Variants in CLCN5 observed in about 807,000 individuals in gnomAD.
CLCN5 encodes Cl-/H+ antiporter 5.
A neutral mutation model predicts 54.0 loss-of-function variants in CLCN5; 17 were observed. The ratio of observed to expected loss-of-function variants is 0.31; its 90% CI spans 0.22 to 0.47. The LOEUF (loss-of-function observed/expected upper bound fraction) is 0.47, where lower values mean the gene tolerates loss of function less well. Among genes scored for constraint, CLCN5 ranks in the 20% least tolerant of loss-of-function variants. The probability of loss-of-function intolerance (pLI) is 1.00; values close to 1 mark genes in which losing one functional copy is unlikely to be tolerated. For missense variants in CLCN5, 448 were observed against 646.7 expected (o/e 0.69, Z 3.33); for synonymous variants, 222 against 233.0 (o/e 0.95, Z 0.43).
intron 3 of CLCN5, among the ~76,000 whole-genome samples, chrX:49,992,768 C>T (rs1337781973): frequency 1.8e-5 from 2 of 111,354 alleles, no homozygotes; most frequent in Non-Finnish European, 3.8e-5. Flanking sequence ...TTTACTTACC[C>T]ATATGATTAA....
rs1222366946 is a variant in CLCN5, at chrX:49,944,387, A to G, written c.16+19073A>G. Among the ~76,000 whole-genome samples the G allele has an allele frequency of 8.1e-5, 9 of 110,956 alleles. No homozygotes were observed. In the Admixed American group the frequency reaches 8.6e-4, roughly 11 times the overall value. ...TGACTTCCTCTTTTCCTAATTGAAT[A>G]CCCTTTATTTCCTTCTCCTCCCTGA... On this transcript the variant is annotated intron_variant, in intron 3 of 14. Transcript: ENST00000376091.
At position 50,090,340 on chromosome X, in the gene CLCN5, A is replaced by C. The variant is rs1934046508; in HGVS notation, c.1969A>C (p.Lys657Gln). The change falls in exon 13 of 15, where the codon AAA becomes CAA. Residue 657 changes from lysine (K) to glutamine (Q), a missense_variant. Transcript: ENST00000376091. ...TAAGACCCTGGCAATGGATGTGATG[A>C]AACCCCGGAGAAATGATCCTTTGTT... ...AHKTLAMDVMKPRRNDPLLTV... is the reference protein window; with the variant it reads ...AHKTLAMDVMQPRRNDPLLTV... The C allele has an allele frequency of 8.3e-7, 1 of 1,209,611 alleles. No homozygotes were observed. The highest frequency in any genetic ancestry group is 1.8e-5 in the African/African-American group (1 of 57,060).
At chrX:50,047,670 C>T (rs1246877759) in intron 4 of CLCN5, among the ~76,000 whole-genome samples, 1 of 111,481 alleles carries the variant, frequency 9.0e-6, no homozygotes, top group Non-Finnish European at 1.9e-5. Context: ...CTCTAAGGAG[C>T]TAAGGGCTCC....
At chrX:50,061,844 G>A (rs1370290397) in intron 4 of CLCN5, among the ~76,000 whole-genome samples, 1 of 41,268 alleles carries the variant, frequency 2.4e-5, no homozygotes, top group Non-Finnish European at 4.1e-5. Context: ...GAGAGTGGGG[G>A]CCAATATTCA....
intron 3 of CLCN5, among the ~76,000 whole-genome samples, chrX:49,997,664 T>G (rs991325077): frequency 9.2e-6 from 1 of 109,164 alleles, no homozygotes; most frequent in Admixed American, 9.7e-5. Flanking sequence ...TAGCTGACAC[T>G]ACAGATGTGT....
At chrX:49,961,091 A>T (rs1443352008) in intron 3 of CLCN5, among the ~76,000 whole-genome samples, 1 of 112,130 alleles carries the variant, frequency 8.9e-6, no homozygotes, top group East Asian at 2.8e-4. Flanking sequence ...CAGGTTGCCC[A>T]TGCCTGTTTA....
At chrX:50,018,683 A>G (rs1261423471) in intron 3 of CLCN5, among the ~76,000 whole-genome samples, 2 of 112,046 alleles carry the variant, frequency 1.8e-5, no homozygotes, top group Non-Finnish European at 3.8e-5. Context: ...GTATTGTCAA[A>G]TGTATTTTCT....
chrX:50,002,204 C>T (rs1024381474), intron 3 of CLCN5, among the ~76,000 whole-genome samples: 5 of 110,489 alleles, frequency 4.5e-5, no homozygotes, highest in African/African-American at 1.7e-4. Context: ...GTATTTCCAG[C>T]CTGGACTTCT....
intron 4 of CLCN5, among the ~76,000 whole-genome samples, chrX:50,064,887 C>G (rs1324037321): frequency 8.4e-5 from 9 of 107,599 alleles, no homozygotes; most frequent in South Asian, 3.8e-4. Context: ...CTTTGACAAA[C>G]CTGACAAAAA....
At chrX:50,028,263 A>C (rs782459948) in intron 3 of CLCN5, among the ~76,000 whole-genome samples, 1 of 112,152 alleles carries the variant, frequency 8.9e-6, no homozygotes, top group African/African-American at 3.2e-5. Flanking sequence ...GGTATGCCTT[A>C]TAAGAAAAAC....
At position 50,094,098 on chromosome X, in the gene CLCN5, T is replaced by C. The variant is rs1934188430; in HGVS notation, c.*1879T>C. The C allele has an allele frequency of 8.9e-6, 1 of 112,218 alleles. No homozygotes were observed. Among genetic ancestry groups the C allele is most frequent in the Non-Finnish European group, 1.9e-5 (1 of 53,283 alleles). 9.2% of individuals were successfully genotyped at this position (112,218 alleles called of 1,213,427 possible). On this transcript the variant is annotated 3_prime_UTR_variant, in exon 15 of 15. Transcript: ENST00000376091. ...CTGATCCCTGATTCTAGGACGTTTTTACCCATAGTTCTTGTCTTTCCAAAA... is the reference window on the plus strand; with the variant it reads ...CTGATCCCTGATTCTAGGACGTTTTCACCCATAGTTCTTGTCTTTCCAAAA...
At chrX:49,941,320 C>CA (rs1411995487) in intron 3 of CLCN5, among the ~76,000 whole-genome samples, 10 of 109,813 alleles carry the variant, frequency 9.1e-5, no homozygotes, top group African/African-American at 1.7e-4. Flanking sequence ...GACTCTGTCT[C>CA]AAAAAAAAGC....
At chrX:49,981,214 TAA>T (rs1928712930) in intron 3 of CLCN5, among the ~76,000 whole-genome samples, 1 of 111,839 alleles carries the variant, frequency 8.9e-6, no homozygotes, top group South Asian at 3.7e-4. Flanking sequence ...TAACATTTAT[TAA>T]AAGTTTTTTT....
chrX:49,934,843 C>T lies in CLCN5; in HGVS notation c.16+9529C>T, dbSNP rs1305664380. Among the ~76,000 whole-genome samples the T allele has an allele frequency of 4.5e-5, 5 of 111,844 alleles. No individual in the cohort carries two copies. The South Asian group carries it at 1.5e-3, about 34-fold the overall frequency. ...TCGTTGACATCTTCTGGCCAAAAAA[C>T]GTGTTCAGATGCAAAAGAAAACCCT... On this transcript the variant is annotated intron_variant, in intron 3 of 14. Coordinates refer to ENST00000376091, the MANE Select transcript of CLCN5 (RefSeq NM_001127898.4).
intron 4 of CLCN5, among the ~76,000 whole-genome samples, chrX:50,069,208 T>C (rs1379060177): frequency 8.9e-6 from 1 of 111,756 alleles, no homozygotes; most frequent in Non-Finnish European, 1.9e-5. Context: ...CTATGATGGG[T>C]GGGCAGGTGG....
intron 7 of CLCN5, among the ~76,000 whole-genome samples, chrX:50,078,249 C>T (rs1339010718): frequency 9.1e-6 from 1 of 110,101 alleles, no homozygotes; most frequent in African/African-American, 3.3e-5. Flanking sequence ...TGGGAGGATT[C>T]CCTGAACCCA....
intron 3 of CLCN5, among the ~76,000 whole-genome samples, chrX:50,002,663 G>GTCTC (rs1174801174): frequency 8.4e-4 from 78 of 92,759 alleles, no homozygotes; most frequent in South Asian, 3.2e-3. Context: ...CTCTGTCTCT[G>GTCTC]TCTCTCTCTC....
chrX:50,010,195 T>C (rs1467431723), intron 3 of CLCN5, among the ~76,000 whole-genome samples: 1 of 110,745 alleles, frequency 9.0e-6, no homozygotes, highest in Non-Finnish European at 1.9e-5. Flanking sequence ...TCTTTCTCTT[T>C]CTTTTCTTTC....
At chrX:50,025,442 C>A (rs781819153) in intron 3 of CLCN5, among the ~76,000 whole-genome samples, 1 of 105,710 alleles carries the variant, frequency 9.5e-6, no homozygotes, top group Non-Finnish European at 1.9e-5. Context: ...CCGTCTTCTG[C>A]GTCGCTCACG....
Sources: allele counts gnomAD v4.1 joint callset (sites outside exome capture counted in the v4.1 genomes callset), GRCh38; gene constraint gnomAD v4.1.1; transcripts MANE v1.5; gene names NCBI Gene and HGNC (gene_info 2026-07-23, HGNC 2026-07-21).